Variants in PPP2R3A observed in about 807,000 individuals in gnomAD.
PPP2R3A encodes protein phosphatase 2 regulatory subunit B''alpha, also known as serine/threonine-protein phosphatase 2A regulatory subunit B'' subunit alpha.
In PPP2R3A, 80 loss-of-function variants were observed where a neutral mutation model predicts 106.9. The observed-to-expected ratio is 0.75, with a 90% CI of 0.62 to 0.90. The LOEUF is 0.90. PPP2R3A is among the 40% of genes least tolerant of loss of function. PPP2R3A has a pLI of 0.00. For synonymous variants in PPP2R3A, 483 were observed against 468.3 expected, an observed-to-expected ratio of 1.03 and a Z score of -0.41; for missense variants, 1,386 against 1,350.4, an observed-to-expected ratio of 1.03 and a Z score of -0.41.
At chr3:136,037,828 G>A (rs1409286301) in intron 3 of PPP2R3A, among the ~76,000 whole-genome samples, 1 of 151,714 alleles carries the variant, frequency 6.6e-6, no homozygotes, top group Non-Finnish European at 1.5e-5. Context: ...AGTTTTCTTT[G>A]CTCCAGAACT....
chr3:135,983,447 G>A (rs1937565531), intron 1 of PPP2R3A, among the ~76,000 whole-genome samples: 1 of 152,184 alleles, frequency 6.6e-6, no homozygotes, highest in Non-Finnish European at 1.5e-5. Flanking sequence ...CTATAACAGT[G>A]TTATAAATGC....
At chr3:135,971,985 G>A (rs1299051964) in intron 1 of PPP2R3A, among the ~76,000 whole-genome samples, 1 of 152,046 alleles carries the variant, frequency 6.6e-6, no homozygotes, top group Non-Finnish European at 1.5e-5. Context: ...TTTTTTAATT[G>A]AGGTAAAATT....
At chr3:136,026,600 T>C (rs1934665562) in intron 2 of PPP2R3A, among the ~76,000 whole-genome samples, 1 of 152,172 alleles carries the variant, frequency 6.6e-6, no homozygotes. Flanking sequence ...GAAACCTATG[T>C]ATTTTTTTAA....
chr3:136,073,121 C>T (rs992094146), intron 6 of PPP2R3A, among the ~76,000 whole-genome samples: 7 of 152,146 alleles, frequency 4.6e-5, no homozygotes, highest in African/African-American at 1.7e-4. Flanking sequence ...GCGCCCACCA[C>T]CACGCCCGGC....
chr3:136,079,077 A>G, intron 7 of PPP2R3A: 1 of 376,392 alleles, frequency 2.7e-6, no homozygotes, highest in South Asian at 1.9e-5. Context: ...TTTAAGAATC[A>G]TACTAAATGG....
chr3:136,025,370 A>G (rs1576442854), intron 2 of PPP2R3A, among the ~76,000 whole-genome samples: 1 of 152,014 alleles, frequency 6.6e-6, no homozygotes, highest in Non-Finnish European at 1.5e-5. Flanking sequence ...ATTGCTTTAT[A>G]TGGGTGACAT....
chr3:136,083,764 A>G lies in PPP2R3A; in HGVS notation c.2788+1343A>G, dbSNP rs1017223072. ...CAAAATGCTGATAGTGATATGGACAATAAAATCCAGGCTGAAGTGATCTCA... is the reference window on the plus strand; with the variant it reads ...CAAAATGCTGATAGTGATATGGACAGTAAAATCCAGGCTGAAGTGATCTCA... On this transcript the variant is annotated intron_variant, in intron 8 of 13. Coordinates refer to ENST00000264977, the MANE Select transcript of PPP2R3A (RefSeq NM_002718.5). Among the ~76,000 whole-genome samples, 4 of 152,360 alleles carry G rather than the reference A, an allele frequency of 2.6e-5. No homozygotes were observed. In the East Asian group the frequency reaches 7.7e-4, roughly 29 times the overall value.
intron 13 of PPP2R3A, among the ~76,000 whole-genome samples, chr3:136,124,608 G>A (rs1258064799): frequency 1.3e-5 from 2 of 151,666 alleles, no homozygotes; most frequent in African/African-American, 2.4e-5. Flanking sequence ...AGAAAAAAAA[G>A]AGCAAACAAG....
chr3:136,072,692 A>G (rs61791718), intron 6 of PPP2R3A, among the ~76,000 whole-genome samples: 2,373 of 152,378 alleles, frequency 0.016, 31 homozygotes, highest in Middle Eastern at 0.034. Flanking sequence ...TATTAACAGC[A>G]TAATTTAGAT....
At chr3:135,977,013 A>G (rs1375958969) in intron 1 of PPP2R3A, among the ~76,000 whole-genome samples, 1 of 152,158 alleles carries the variant, frequency 6.6e-6, no homozygotes. Flanking sequence ...CACCATTAAT[A>G]CATTTCAAAT....
At chr3:136,077,877 C>T (rs756857689) in intron 6 of PPP2R3A, among the ~76,000 whole-genome samples, 18 of 152,134 alleles carry the variant, frequency 1.2e-4, no homozygotes, top group African/African-American at 1.7e-4. Context: ...TTTGAATTTC[C>T]ATAGAGTCTA....
At chr3:136,030,319 G>GTTTGT (rs1553745282) in intron 3 of PPP2R3A, among the ~76,000 whole-genome samples, 26,426 of 150,998 alleles carry the variant, frequency 0.18, 2,839 homozygotes, top group Non-Finnish European at 0.24. Flanking sequence ...GTGTCAGTTT[G>GTTTGT]TTTTTTTTGC....
chr3:136,050,437 A>G (rs1230068519), intron 5 of PPP2R3A, among the ~76,000 whole-genome samples: 1 of 152,168 alleles, frequency 6.6e-6, no homozygotes, highest in Non-Finnish European at 1.5e-5. Context: ...GCTGTGCCAC[A>G]GTTCTGAGGT....
Position 136,001,778 on chromosome 3 carries a change from A to G in PPP2R3A, c.280A>G (p.Ile94Val). ...GDYPQQAFTGIPRVKRGSTFQ... is the reference protein window; with the variant it reads ...GDYPQQAFTGVPRVKRGSTFQ... ...CTATCCCCAACAGGCCTTCACAGGCATACCCAGGGTCAAGAGAGGATCTAC... is the reference window on the plus strand; with the variant it reads ...CTATCCCCAACAGGCCTTCACAGGCGTACCCAGGGTCAAGAGAGGATCTAC... The change falls in exon 2 of 14, where the codon ATA becomes GTA. Residue 94 changes from isoleucine (I) to valine (V), a missense_variant. By Grantham distance (29) the Ile-to-Val change is conservative. Coordinates refer to ENST00000264977, the MANE Select transcript of PPP2R3A (RefSeq NM_002718.5). 6.2e-7 allele frequency: 1 copy of G among 1,614,196 alleles called. No individual in the cohort carries two copies. Among genetic ancestry groups the G allele is most frequent in the South Asian group, 1.1e-5 (1 of 91,084 alleles).
chr3:136,115,704 T>C (rs550666937), intron 13 of PPP2R3A, among the ~76,000 whole-genome samples: 17 of 151,318 alleles, frequency 1.1e-4, no homozygotes, highest in Admixed American at 3.3e-4. Flanking sequence ...AAAAAAAGAA[T>C]GAAAAGGAAC....
intron 5 of PPP2R3A, among the ~76,000 whole-genome samples, chr3:136,063,399 A>C (rs1936147406): frequency 6.6e-6 from 1 of 152,266 alleles, no homozygotes. Flanking sequence ...AAGCAATGGC[A>C]ACAAAAGCCA....
At chr3:136,060,774 AG>A (rs1936050208) in intron 5 of PPP2R3A, among the ~76,000 whole-genome samples, 1 of 152,228 alleles carries the variant, frequency 6.6e-6, no homozygotes, top group African/African-American at 2.4e-5. Context: ...TGTCAATCAA[AG>A]GATACAAAAT....
intron 13 of PPP2R3A, among the ~76,000 whole-genome samples, chr3:136,127,439 G>T (rs1938223931): frequency 6.6e-6 from 1 of 152,132 alleles, no homozygotes; most frequent in South Asian, 2.1e-4. Flanking sequence ...CTAATGAAAT[G>T]AAGTGAGAAG....
chr3:136,030,825 TACACACAC>T (rs375422855), intron 3 of PPP2R3A, among the ~76,000 whole-genome samples: 2 of 142,362 alleles, frequency 1.4e-5, no homozygotes, highest in African/African-American at 5.5e-5. Context: ...TATGTATGTA[TACACACAC>T]ACACACACAC....
Sources: gnomAD v4.1 joint callset for allele counts (sites outside exome capture counted in the v4.1 genomes callset) on GRCh38, gnomAD v4.1.1 for gene constraint, MANE v1.5 for transcripts, NCBI Gene and HGNC (gene_info 2026-07-23, HGNC 2026-07-21) for gene names.